LVRN: variants seen among roughly 807,000 people sequenced by gnomAD.
LVRN encodes laeverin, also known as aminopeptidase Q.
Under a neutral mutation model 111.4 loss-of-function variants are expected in LVRN, and 99 were observed. That is an observed-to-expected ratio of 0.89 (90% CI 0.76 to 1.05). The LOEUF is 1.05. Among genes scored for constraint, LVRN ranks in the 50% least tolerant of loss-of-function variants. The pLI, the probability that LVRN is intolerant of heterozygous loss-of-function variation, is 0.00. For synonymous variants in LVRN, 488 were observed against 449.5 expected, an observed-to-expected ratio of 1.09 and a Z score of -1.08; for missense variants, 1,414 against 1,206.8, an observed-to-expected ratio of 1.17 and a Z score of -2.54.
intron 12 of LVRN, among the ~76,000 whole-genome samples, chr5:116,004,501 A>T (rs979675345): frequency 2.6e-5 from 4 of 152,166 alleles, no homozygotes; most frequent in African/African-American, 9.7e-5. Flanking sequence ...CAATCTCTCT[A>T]GCATATTGGT....
chr5:116,021,959 A>G (rs560408574), intron 18 of LVRN, among the ~76,000 whole-genome samples: 2 of 152,318 alleles, frequency 1.3e-5, no homozygotes, highest in East Asian at 3.9e-4. Flanking sequence ...TCCAAAAAGC[A>G]CGCATAAATA....
chr5:116,003,491 C>T (rs986104653), intron 12 of LVRN, 111 bp downstream of exon 12: 18 of 618,732 alleles, frequency 2.9e-5, no homozygotes, highest in Non-Finnish European at 4.2e-5. Context: ...TCCCGCCCCT[C>T]ACCTCCAGGC....
intron 18 of LVRN, chr5:116,022,138 C>A: frequency 3.1e-6 from 1 of 318,068 alleles, no homozygotes; most frequent in South Asian, 5.5e-5. Context: ...TTTTAAAAGA[C>A]AATTGTTTTT....
intron 4 of LVRN, among the ~76,000 whole-genome samples, chr5:115,990,953 A>C (rs1034805021): frequency 1.3e-5 from 2 of 152,086 alleles, no homozygotes; most frequent in African/African-American, 4.8e-5. Context: ...GAGAGTTCCC[A>C]TATATTCTCT....
Position 115,962,703 on chromosome 5 carries a change from C to T in LVRN, c.86C>T (p.Ala29Val), listed in dbSNP as rs1309546882. 26 of 1,611,488 alleles carry T rather than the reference C, an allele frequency of 1.6e-5. No homozygotes were observed. Among genetic ancestry groups the T allele is most frequent in the Non-Finnish European group, 2.1e-5 (25 of 1,179,618 alleles). Residue 29 changes from alanine (A) to valine (V), a missense_variant, in exon 1 of 20, where the codon GCG (alanine) becomes GTG (valine). Coordinates refer to ENST00000357872, the MANE Select transcript of LVRN (RefSeq NM_173800.5). ...GGGCTGGTAGCCGCCCTCCTGCTGG[C>T]GCTGGCCGTACTCGCCGCCTTGTAC... ...LAGLVAALLL[A>V]LAVLAALYGH...
At chr5:116,003,832 C>T (rs1454655377) in intron 12 of LVRN, among the ~76,000 whole-genome samples, 3 of 152,088 alleles carry the variant, frequency 2.0e-5, no homozygotes, top group Admixed American at 6.5e-5. Context: ...CCACCTGCCT[C>T]GGCCTCTCAA....
At chr5:116,006,215 C>T (rs1041783477) in intron 13 of LVRN, among the ~76,000 whole-genome samples, 2 of 152,206 alleles carry the variant, frequency 1.3e-5, no homozygotes, top group Admixed American at 6.5e-5. Context: ...TTAATGCAAT[C>T]TTGCCTGTAT....
chr5:115,966,091 G>A (rs1753195334), intron 1 of LVRN, among the ~76,000 whole-genome samples: 1 of 152,044 alleles, frequency 6.6e-6, no homozygotes, highest in Admixed American at 6.5e-5. Context: ...TTTGACATTG[G>A]TACTATGCAT....
chr5:115,966,965 T>C (rs1753217333), intron 1 of LVRN, among the ~76,000 whole-genome samples: 1 of 152,190 alleles, frequency 6.6e-6, no homozygotes, highest in African/African-American at 2.4e-5. Flanking sequence ...TCTCTTCACG[T>C]CTTTTCTTAT....
intron 1 of LVRN, among the ~76,000 whole-genome samples, chr5:115,964,479 A>G (rs1580372324): frequency 1.3e-5 from 2 of 152,110 alleles, no homozygotes; most frequent in Non-Finnish European, 2.9e-5. Flanking sequence ...TAGTTTTGAA[A>G]TTTTCTTATT....
At position 116,026,216 on chromosome 5, in the gene LVRN, T is replaced by G; in HGVS notation, c.*98T>G. 6.7e-7 allele frequency: 1 copy of G among 1,501,852 alleles called. No individual in the cohort carries two copies. Among genetic ancestry groups the G allele is most frequent in the South Asian group, 1.2e-5 (1 of 83,078 alleles). The allele number at this position is 1,501,852 out of a possible 1,614,324, so 93.0% of individuals were successfully genotyped here. A position where few individuals can be genotyped will look rare whatever the true frequency, so the allele number is the denominator to read the frequency against. Reference sequence around the variant, plus strand: ...TTGTGAGTCTGGAAAACCACACATTTTATTTGTATTTCAGTCACATTTATT... The same window carrying G: ...TTGTGAGTCTGGAAAACCACACATTGTATTTGTATTTCAGTCACATTTATT... On this transcript the variant is annotated 3_prime_UTR_variant, in exon 20 of 20. Transcript: ENST00000357872.
At chr5:115,963,334 G>T in intron 1 of LVRN, 22 bp downstream of exon 1, 1 of 1,532,502 alleles carries the variant, frequency 6.5e-7, no homozygotes, top group Non-Finnish European at 8.8e-7. Context: ...ACAGCCCGGG[G>T]CCCCTCTCGG....
At chr5:116,012,310 A>G in intron 14 of LVRN, 64 bp from the exon 15 acceptor site, 1 of 856,634 alleles carries the variant, frequency 1.2e-6, no homozygotes, top group Non-Finnish European at 1.9e-6. Context: ...AATAAATAGA[A>G]ACACAGTGAA....
intron 1 of LVRN, among the ~76,000 whole-genome samples, chr5:115,979,682 C>T (rs1371337558): frequency 3.3e-5 from 5 of 152,094 alleles, no homozygotes; most frequent in Non-Finnish European, 5.9e-5. Flanking sequence ...AATAAACAAA[C>T]GTGATTCATA....
At chr5:115,995,457 C>T (rs1327446018) in intron 6 of LVRN, 1 of 152,448 alleles carries the variant, frequency 6.6e-6, no homozygotes, top group Admixed American at 6.5e-5. Flanking sequence ...CTCTCTCTTC[C>T]TCCCCATGGA....
intron 18 of LVRN, chr5:116,021,231 G>A (rs1460432080): frequency 6.6e-6 from 1 of 152,078 alleles, no homozygotes; most frequent in Non-Finnish European, 1.5e-5. Context: ...CTGCCTCCTC[G>A]GGTAAACTTT....
Position 116,000,475 on chromosome 5 carries a change from C to A in LVRN, c.1558C>A (p.His520Asn). 1.2e-6 allele frequency: 2 copies of A among 1,614,120 alleles called. No homozygotes were observed. The highest frequency in any genetic ancestry group is 1.3e-5 in the African/African-American group (1 of 75,040). The part of the protein sequence containing the change: ...ARMLSCFLNE[H>N]LFVSALKSYL... Reference sequence around the variant, plus strand: ...GATGCTTTCTTGTTTCTTGAATGAGCATTTATTTGTCAGTGCACTCAAGGT... The same window carrying A: ...GATGCTTTCTTGTTTCTTGAATGAGAATTTATTTGTCAGTGCACTCAAGGT... Residue 520 changes from histidine (H) to asparagine (N), a missense_variant, in exon 8 of 20, where the codon CAT becomes AAT. By Grantham distance (68) the His-to-Asn change is moderately conservative. Coordinates refer to ENST00000357872, the MANE Select transcript of LVRN (RefSeq NM_173800.5).
intron 12 of LVRN, among the ~76,000 whole-genome samples, chr5:116,004,655 G>A (rs763581445): frequency 2.6e-5 from 4 of 152,126 alleles, no homozygotes; most frequent in Non-Finnish European, 5.9e-5. Flanking sequence ...CAGTATTCCT[G>A]GAGGTGAGTG....
intron 14 of LVRN, among the ~76,000 whole-genome samples, chr5:116,011,755 A>G (rs1022857558): frequency 1.1e-4 from 16 of 152,220 alleles, no homozygotes; most frequent in African/African-American, 3.6e-4. Flanking sequence ...ATAACATCTG[A>G]TGACTTGTTC....
Sources: allele counts gnomAD v4.1 joint callset (sites outside exome capture counted in the v4.1 genomes callset), GRCh38; gene constraint gnomAD v4.1.1; transcripts MANE v1.5; gene names NCBI Gene and HGNC (gene_info 2026-07-23, HGNC 2026-07-21).